The following DYRK3 variants were observed in gnomAD, a reference collection of about 807,000 sequenced individuals.
DYRK3 encodes the protein dual specificity tyrosine-phosphorylation-regulated kinase 3.
DYRK3 carries 30 observed loss-of-function variants against 40.8 expected under a neutral mutation model. That is an observed-to-expected ratio of 0.74 (90% CI 0.55 to 1.00). DYRK3 has a LOEUF of 1.00. Ranked by LOEUF, DYRK3 falls within the 50% of genes least tolerant of loss-of-function variation. DYRK3 has a pLI of 0.00. For synonymous variants in DYRK3, 272 were observed against 260.7 expected, an observed-to-expected ratio of 1.04 and a Z score of -0.42; for missense variants, 699 against 731.5, an observed-to-expected ratio of 0.96 and a Z score of 0.51.
Position 206,648,902 on chromosome 1 carries a change from CTT to C in DYRK3, c.1705_1706del (p.Leu569AsnfsTer7), listed in dbSNP as rs782108831. 15 of 1,614,146 alleles carry C rather than the reference CTT, an allele frequency of 9.3e-6. No homozygotes were observed. The highest frequency in any genetic ancestry group is 1.6e-4 in the Middle Eastern group (1 of 6,062). ...GAATAGCCAATAAGCTTAAAGCTAA[CTT>C]AATGTCAGAAACCAATGGTAGTATA... ...VGIANKLKAN[L>X]MSETNGSIPL... On this transcript the variant is annotated frameshift_variant, in exon 3 of 3. Transcript: ENST00000367109. LOFTEE classifies it high-confidence loss of function.
In DYRK3 at chr1:206,650,244, A is replaced by G. The variant is rs1671597379; in HGVS notation, c.*1279A>G. ...TGCTCTATTTCTGTCCTCTTCCAGA[A>G]CAAAAGTATGCTCAAGTTCTATCCT... On this transcript the variant is annotated 3_prime_UTR_variant, in exon 3 of 3. Transcript: ENST00000367109. Among the ~76,000 whole-genome samples the G allele has an allele frequency of 6.6e-6, 1 of 152,224 alleles. No individual in the cohort carries two copies. The highest frequency in any genetic ancestry group is 2.4e-5 in the African/African-American group (1 of 41,450).
At chr1:206,639,032 C>T (rs1416680595) in intron 2 of DYRK3, among the ~76,000 whole-genome samples, 7 of 152,082 alleles carry the variant, frequency 4.6e-5, no homozygotes, top group Non-Finnish European at 8.8e-5. Context: ...AGGCGACTGC[C>T]ACCACACCCA....
rs1553421141 is a variant in DYRK3, at chr1:206,650,279, C to G, written c.*1314C>G. ...GCTCAAGTTCTATCCTAAATGTGTGCTCTTGGCTGGGTATTAGTGGCTCAT... is the reference window on the plus strand; with the variant it reads ...GCTCAAGTTCTATCCTAAATGTGTGGTCTTGGCTGGGTATTAGTGGCTCAT... On this transcript the variant is annotated 3_prime_UTR_variant, in exon 3 of 3. Coordinates refer to ENST00000367109, the MANE Select transcript of DYRK3 (RefSeq NM_003582.4). 6.6e-6 allele frequency among the ~76,000 whole-genome samples: 1 copy of G among 152,180 alleles called. No homozygotes were observed. The highest frequency in any genetic ancestry group is 2.4e-5 in the African/African-American group (1 of 41,440).
Position 206,653,752 on chromosome 1 carries a change from T to C in DYRK3, c.*4787T>C. Reference sequence around the variant, plus strand: ...AACTATGATGTAAGGATTCTGCTTCTGCCCCACAGGGGCTCTGAAAGAGTC... The same window carrying C: ...AACTATGATGTAAGGATTCTGCTTCCGCCCCACAGGGGCTCTGAAAGAGTC... On this transcript the variant is annotated 3_prime_UTR_variant, in exon 3 of 3. Coordinates refer to ENST00000367109, the MANE Select transcript of DYRK3 (RefSeq NM_003582.4). Among the ~76,000 whole-genome samples the C allele has an allele frequency of 6.6e-6, 1 of 152,258 alleles. No individual in the cohort carries two copies. The highest frequency in any genetic ancestry group is 1.5e-5 in the Non-Finnish European group (1 of 68,048).
At chr1:206,636,662 C>T (rs1015927598) in intron 1 of DYRK3, among the ~76,000 whole-genome samples, 1 of 151,998 alleles carries the variant, frequency 6.6e-6, no homozygotes, top group Non-Finnish European at 1.5e-5. Context: ...TTAAGGTGAC[C>T]AGAATATTCC....
Position 206,637,763 on chromosome 1 carries a change from T to C in DYRK3, c.189+2T>C. On this transcript the variant is annotated splice_donor_variant, in intron 2 of 2. Transcript: ENST00000367109. LOFTEE classifies it high-confidence loss of function. ...CCACCTCCACCCAGAAGACTAAATG[T>C]AAGTAAAAGAAGTCATTCTTTGTAC... 6.2e-7 allele frequency: 1 copy of C among 1,604,568 alleles called. No homozygotes were observed. The highest frequency in any genetic ancestry group is 8.5e-7 in the Non-Finnish European group (1 of 1,171,784).
At chr1:206,643,755 A>G (rs1671353107) in intron 2 of DYRK3, among the ~76,000 whole-genome samples, 1 of 152,164 alleles carries the variant, frequency 6.6e-6, no homozygotes, top group East Asian at 1.9e-4. Context: ...AGTTAGTGCT[A>G]GACGCATGAT....
At position 206,637,631 on chromosome 1, in the gene DYRK3, C is replaced by G; in HGVS notation, c.78-19C>G. The G allele has an allele frequency of 6.4e-7, 1 of 1,563,652 alleles. No homozygotes were observed. Among genetic ancestry groups the G allele is most frequent in the Non-Finnish European group, 8.8e-7 (1 of 1,135,042 alleles). ...TTCTTCAGTTCCTGACAGATTTTGT[C>G]TGTAATCCTTTTAACTAGGTTGGGG... On this transcript the variant is annotated intron_variant, in intron 1 of 2. Transcript: ENST00000367109.
intron 2 of DYRK3, among the ~76,000 whole-genome samples, chr1:206,646,952 C>T (rs1201132161): frequency 1.3e-5 from 2 of 152,088 alleles, no homozygotes; most frequent in Non-Finnish European, 2.9e-5. Flanking sequence ...TTATGTGGCA[C>T]AAACTGGAGA....
At position 206,635,718 on chromosome 1, in the gene DYRK3, T is replaced by C; in HGVS notation, c.15T>C (p.Ala5=). The C allele has an allele frequency of 4.8e-6, 6 of 1,247,436 alleles. No homozygotes were observed. Among genetic ancestry groups the C allele is most frequent in the Non-Finnish European group, 6.1e-6 (6 of 989,462 alleles). The allele number at this position is 1,247,436 out of a possible 1,614,324, so 77.3% of individuals were successfully genotyped here. Residue 5 remains alanine, a synonymous_variant, in exon 1 of 3, where the codon GCT becomes GCC. Coordinates refer to ENST00000367109, the MANE Select transcript of DYRK3 (RefSeq NM_003582.4). Reference sequence around the variant, plus strand: ...CGAGCTAGGAGATGGGAGGCACAGCTCGTGGGCCTGGGCGGAAGGATGCGG... The same window carrying C: ...CGAGCTAGGAGATGGGAGGCACAGCCCGTGGGCCTGGGCGGAAGGATGCGG... MGGT[A]RGPGRKDAGP...
intron 2 of DYRK3, among the ~76,000 whole-genome samples, chr1:206,646,125 C>T (rs1488301374): frequency 1.3e-5 from 2 of 152,212 alleles, no homozygotes; most frequent in African/African-American, 2.4e-5. Flanking sequence ...GCTGGGATTA[C>T]AGGCGTGAGA....
chr1:206,639,988 G>C (rs1553419095), intron 2 of DYRK3, among the ~76,000 whole-genome samples: 1 of 140,508 alleles, frequency 7.1e-6, no homozygotes, highest in African/African-American at 2.7e-5. Context: ...AGGCTGGAGT[G>C]CAGTGGCACA....
At chr1:206,646,392 C>G (rs1447932507) in intron 2 of DYRK3, among the ~76,000 whole-genome samples, 1 of 152,086 alleles carries the variant, frequency 6.6e-6, no homozygotes, top group Non-Finnish European at 1.5e-5. Flanking sequence ...GTAAGTAGAG[C>G]TTTTTTCTGT....
chr1:206,636,085 CT>C, intron 1 of DYRK3: 1 of 1,504,740 alleles, frequency 6.6e-7, no homozygotes, highest in Non-Finnish European at 8.9e-7. Flanking sequence ...AAATCTAGGA[CT>C]TTTTGTGGGG....
rs368859644 is a variant in DYRK3 at position 206,644,327 on chromosome 1, A to C, written c.190-3061A>C. On this transcript the variant is annotated intron_variant, in intron 2 of 2. Coordinates refer to ENST00000367109, the MANE Select transcript of DYRK3 (RefSeq NM_003582.4). ...TGGGATTACAGGCGTGAGCCACCAC[A>C]CCTGGCTGGACCTACAGCTTTTAAG... Among the ~76,000 whole-genome samples, 891 of 151,168 alleles carry C rather than the reference A, an allele frequency of 5.9e-3. 11 individuals carry two copies. Among genetic ancestry groups the C allele is most frequent in the African/African-American group, 0.021 (867 of 41,196 alleles).
Position 206,648,091 on chromosome 1 carries a change from T to A in DYRK3, c.893T>A (p.Leu298Gln), listed in dbSNP as rs781823889. ...TTGCTGAGCATAGACCTTTATGAGC[T>A]GATTAAAAAAAATAAGTTTCAGGGT... ...FELLSIDLYE[L>Q]IKKNKFQGFS... Residue 298 changes from leucine to glutamine, a missense_variant, in exon 3 of 3, where the codon CTG (leucine) becomes CAG (glutamine). Transcript: ENST00000367109. 1 of 1,613,940 alleles carries A rather than the reference T, an allele frequency of 6.2e-7. No individual in the cohort carries two copies. Among genetic ancestry groups the A allele is most frequent in the African/African-American group, 1.3e-5 (1 of 74,878 alleles).
rs1206463550 is a variant in DYRK3 at position 206,652,511 on chromosome 1, A to G, written c.*3546A>G. ...ACTCATTACACTGTAGACAGATTTT[A>G]GAAAGCTACAGGAAGGCAAATGGAT... On this transcript the variant is annotated 3_prime_UTR_variant, in exon 3 of 3. Coordinates refer to ENST00000367109, the MANE Select transcript of DYRK3 (RefSeq NM_003582.4). 1.3e-5 allele frequency among the ~76,000 whole-genome samples: 2 copies of G among 152,240 alleles called. No individual in the cohort carries two copies. Among genetic ancestry groups the G allele is most frequent in the East Asian group, 1.9e-4 (1 of 5,200 alleles).
rs184290271 is a variant in DYRK3, at chr1:206,640,215, C to A, written c.189+2454C>A. 2.4e-4 allele frequency among the ~76,000 whole-genome samples: 37 copies of A among 152,208 alleles called. No homozygotes were observed. The East Asian group carries it at 5.6e-3, about 23-fold the overall frequency. ...CCTCCCAAAGTGCAGGCTTTACAGGCGTGAGCCACCACGCCTGGCTGTCTT... is the reference window on the plus strand; with the variant it reads ...CCTCCCAAAGTGCAGGCTTTACAGGAGTGAGCCACCACGCCTGGCTGTCTT... On this transcript the variant is annotated intron_variant, in intron 2 of 2. Coordinates refer to ENST00000367109, the MANE Select transcript of DYRK3 (RefSeq NM_003582.4).
Position 206,648,683 on chromosome 1 carries a change from TA to T in DYRK3, c.1486del (p.Ile496Ter). The part of the protein sequence containing the change: ...ALKGCDDYLF[I>X]EFLKRCLHWD... ...TGAAAGGGTGTGATGACTACTTGTTTATAGAGTTCTTGAAAAGGTGTCTTCA... is the reference window on the plus strand; with the variant it reads ...TGAAAGGGTGTGATGACTACTTGTTTTAGAGTTCTTGAAAAGGTGTCTTCA... On this transcript the variant is annotated frameshift_variant, in exon 3 of 3. Transcript: ENST00000367109. LOFTEE classifies it high-confidence loss of function. The T allele has an allele frequency of 6.2e-7, 1 of 1,613,988 alleles. No homozygotes were observed. Among genetic ancestry groups the T allele is most frequent in the Non-Finnish European group, 8.5e-7 (1 of 1,179,940 alleles).
Sources: allele counts gnomAD v4.1 joint callset (sites outside exome capture counted in the v4.1 genomes callset), GRCh38; gene constraint gnomAD v4.1.1; transcripts MANE v1.5; gene names NCBI Gene and HGNC (gene_info 2026-07-23, HGNC 2026-07-21).